Variants in YWHAQ observed in about 807,000 individuals in gnomAD.
The protein encoded by YWHAQ is tyrosine 3-monooxygenase/tryptophan 5-monooxygenase activation protein theta, also known as 14-3-3 protein theta.
In YWHAQ, 6 loss-of-function variants were observed where a neutral mutation model predicts 28.3. The observed-to-expected ratio is 0.21, with a 90% CI of 0.12 to 0.42. The LOEUF (loss-of-function observed/expected upper bound fraction) is 0.42, where lower values mean the gene tolerates loss of function less well. Ranked by LOEUF, YWHAQ falls within the 10% of genes least tolerant of loss-of-function variation. The probability of loss-of-function intolerance (pLI) is 1.00; values close to 1 mark genes in which losing one functional copy is unlikely to be tolerated. For synonymous variants in YWHAQ, 143 were observed against 119.1 expected (o/e 1.20, Z -1.31); for missense variants, 201 against 305.6 (o/e 0.66, Z 2.55).
chr2:9,587,478 G>C lies in YWHAQ; in HGVS notation c.614C>G (p.Thr205Arg). 6.2e-7 allele frequency: 1 copy of C among 1,609,794 alleles called. No homozygotes were observed. The highest frequency in any genetic ancestry group is 8.5e-7 in the Non-Finnish European group (1 of 1,177,366). ...GTCTTTGTATGAGTCTTCATTCAGT[G>C]TATCAAGTTCAGCAATGGCCTCATC... ...AFDEAIAELDTLNEDSYKDST... is the reference protein window; with the variant it reads ...AFDEAIAELDRLNEDSYKDST... The change falls in exon 5 of 6, where the codon ACA (threonine) becomes AGA (arginine). Residue 205 changes from threonine to arginine, a missense_variant. By Grantham distance (71) the Thr-to-Arg change is moderately conservative. Coordinates refer to ENST00000238081, the MANE Select transcript of YWHAQ (RefSeq NM_006826.4).
Position 9,587,422 on chromosome 2 carries a change from T to C in YWHAQ, c.670A>G (p.Asn224Asp), listed in dbSNP as rs747693562. ...STLIMQLLRDNLTLWTSDSAG... is the reference protein window; with the variant it reads ...STLIMQLLRDDLTLWTSDSAG... ...AAGAGTAAACAACTCACTGTTAGGT[T>C]GTCTCTAAGCAACTGCATGATGAGG... is the stretch of plus-strand genomic sequence containing the variant. Residue 224 changes from asparagine to aspartate, a missense_variant, in exon 5 of 6, where the codon AAC becomes GAC. Around this residue, in one of 2 missense-constraint regions of YWHAQ, gnomAD observed 39 missense variants for 91.7 expected, o/e 0.43. Coordinates refer to ENST00000238081, the MANE Select transcript of YWHAQ (RefSeq NM_006826.4). 1 of 1,609,260 alleles carries C rather than the reference T, an allele frequency of 6.2e-7. No homozygotes were observed.
intron 2 of YWHAQ, among the ~76,000 whole-genome samples, chr2:9,626,724 T>A (rs1667254580): frequency 6.6e-6 from 1 of 152,196 alleles, no homozygotes; most frequent in Non-Finnish European, 1.5e-5. Flanking sequence ...AGCCACCACA[T>A]CCAGCCAAAG....
chr2:9,593,137 C>T (rs1321467112), intron 2 of YWHAQ, among the ~76,000 whole-genome samples: 1 of 151,884 alleles, frequency 6.6e-6, no homozygotes, highest in Non-Finnish European at 1.5e-5. Context: ...AAAAGGAAGG[C>T]TGTTTATAAA....
chr2:9,597,095 GTC>G (rs1361123454), intron 2 of YWHAQ, among the ~76,000 whole-genome samples: 5 of 152,156 alleles, frequency 3.3e-5, no homozygotes, highest in Admixed American at 1.3e-4. Context: ...CTTCTCAAGT[GTC>G]TGTCTCTGTA....
intron 2 of YWHAQ, among the ~76,000 whole-genome samples, 158 bp from the exon 3 acceptor site, chr2:9,591,673 G>A (rs974562287): frequency 2.0e-5 from 3 of 152,142 alleles, no homozygotes; most frequent in African/African-American, 4.8e-5. Flanking sequence ...CTTAGAGCAG[G>A]GGTTAGGTTG....
At chr2:9,614,895 G>C (rs182482165) in intron 2 of YWHAQ, among the ~76,000 whole-genome samples, 271 of 152,262 alleles carry the variant, frequency 1.8e-3, no homozygotes, top group Non-Finnish European at 2.7e-3. Flanking sequence ...GGGAAGAATA[G>C]AGTCAACAGG....
intron 2 of YWHAQ, chr2:9,629,068 G>C (rs534701782): frequency 6.6e-6 from 1 of 151,544 alleles, no homozygotes; most frequent in East Asian, 1.9e-4. Context: ...TGGGGGGTGG[G>C]GGTGGGGGAG....
intron 5 of YWHAQ, 98 bp from the exon 6 acceptor site, chr2:9,585,443 TC>T: frequency 7.4e-7 from 1 of 1,346,138 alleles, no homozygotes; most frequent in Non-Finnish European, 1.0e-6. Context: ...AGTAGTAAAT[TC>T]CTCAAACAAT....
At chr2:9,599,777 T>C (rs1188467539) in intron 2 of YWHAQ, among the ~76,000 whole-genome samples, 1 of 152,224 alleles carries the variant, frequency 6.6e-6, no homozygotes, top group African/African-American at 2.4e-5. Flanking sequence ...GCTGTTTTCA[T>C]GCCTGCTCAC....
At chr2:9,615,081 C>G (rs1667018364) in intron 2 of YWHAQ, among the ~76,000 whole-genome samples, 1 of 152,156 alleles carries the variant, frequency 6.6e-6, no homozygotes. Flanking sequence ...TATGTCCTTA[C>G]AGCTTACCAA....
At position 9,585,555 on chromosome 2, in the gene YWHAQ, G is replaced by GACATACAT. The variant is rs552606855; in HGVS notation, c.679-218_679-211dup. 1.5e-3 allele frequency among the ~76,000 whole-genome samples: 224 copies of GACATACAT among 152,072 alleles called. 1 individual carries two copies. Among genetic ancestry groups the GACATACAT allele is most frequent in the African/African-American group, 5.2e-3 (217 of 41,502 alleles). On this transcript the variant is annotated intron_variant, in intron 5 of 5. Transcript: ENST00000238081. ...ACCTTTCACTATGCACTTACAAAAT[G>GACATACAT]ACATACATACATACATACATATACC... is the stretch of plus-strand genomic sequence containing the variant.
At chr2:9,613,504 C>A (rs1419396417) in intron 2 of YWHAQ, among the ~76,000 whole-genome samples, 1 of 151,822 alleles carries the variant, frequency 6.6e-6, no homozygotes, top group East Asian at 1.9e-4. Context: ...TTTTTGTGGG[C>A]TAAAGAAAAT....
At chr2:9,621,364 G>A (rs1392590193) in intron 2 of YWHAQ, among the ~76,000 whole-genome samples, 2 of 152,020 alleles carry the variant, frequency 1.3e-5, no homozygotes, top group Non-Finnish European at 2.9e-5. Context: ...GTATCTTGAG[G>A]ATAACAAGAC....
In YWHAQ at chr2:9,584,910, T is replaced by C; in HGVS notation, c.*376A>G. ...GTAGAAATTAAGAAGTTATGTGGAA[T>C]ACTCTTTAAATTGTAATTAACTACA... On this transcript the variant is annotated 3_prime_UTR_variant, in exon 6 of 6. Coordinates refer to ENST00000238081, the MANE Select transcript of YWHAQ (RefSeq NM_006826.4). 5.4e-6 allele frequency: 1 copy of C among 185,626 alleles called. No individual in the cohort carries two copies. Among genetic ancestry groups the C allele is most frequent in the East Asian group, 1.4e-4 (1 of 6,986 alleles). 11.5% of individuals were successfully genotyped at this position (185,626 alleles called of 1,614,324 possible).
intron 2 of YWHAQ, among the ~76,000 whole-genome samples, chr2:9,591,865 C>G (rs1175637975): frequency 2.0e-5 from 3 of 152,232 alleles, no homozygotes; most frequent in Non-Finnish European, 4.4e-5. Flanking sequence ...GACTTAAAAT[C>G]AGGCCCCTGC....
intron 2 of YWHAQ, among the ~76,000 whole-genome samples, chr2:9,600,127 A>C (rs1666659375): frequency 6.6e-6 from 1 of 152,226 alleles, no homozygotes; most frequent in Non-Finnish European, 1.5e-5. Context: ...AAATACTAGA[A>C]TTAGAAATGG....
At chr2:9,586,071 A>G (rs1666338456) in intron 5 of YWHAQ, among the ~76,000 whole-genome samples, 1 of 152,210 alleles carries the variant, frequency 6.6e-6, no homozygotes. Context: ...CACAGGGAGG[A>G]AAAAGCCACA....
At chr2:9,603,746 A>G (rs1380100377) in intron 2 of YWHAQ, among the ~76,000 whole-genome samples, 1 of 151,788 alleles carries the variant, frequency 6.6e-6, no homozygotes, top group African/African-American at 2.4e-5. Context: ...TAGCATGGTG[A>G]AACTCCCCTC....
At chr2:9,616,946 AG>A (rs1332338526) in intron 2 of YWHAQ, among the ~76,000 whole-genome samples, 1 of 152,140 alleles carries the variant, frequency 6.6e-6, no homozygotes, top group Admixed American at 6.6e-5. Flanking sequence ...ATTTTTAAAA[AG>A]TAGTACTTTG....
Sources: gnomAD v4.1 joint callset for allele counts (sites outside exome capture counted in the v4.1 genomes callset) on GRCh38, gnomAD v4.1.1 for gene constraint, gnomAD v4.1.1 regional missense constraint, MANE v1.5 for transcripts, NCBI Gene and HGNC (gene_info 2026-07-23, HGNC 2026-07-21) for gene names.